The following PATJ variants were observed in gnomAD, a reference collection of about 807,000 sequenced individuals.
PATJ encodes the protein inaD-like protein.
Under a neutral mutation model 224.9 loss-of-function variants are expected in PATJ, and 190 were observed. The observed-to-expected ratio is 0.84, with a 90% confidence interval of 0.75 to 0.95. PATJ has a LOEUF of 0.95. Among genes scored for constraint, PATJ ranks in the 40% least tolerant of loss-of-function variants. PATJ has a pLI of 0.00. For missense variants in PATJ, 2,121 were observed against 2,270.3 expected, an observed-to-expected ratio of 0.93 and a Z score of 1.34; for synonymous variants, 769 against 820.3, an observed-to-expected ratio of 0.94 and a Z score of 1.07.
At chr1:62,075,369 A>G (rs979450180) in intron 31 of PATJ, among the ~76,000 whole-genome samples, 1 of 152,242 alleles carries the variant, frequency 6.6e-6, no homozygotes, top group Admixed American at 6.5e-5. Flanking sequence ...ACATAAAAGC[A>G]TTAATAGCTG....
At position 62,017,869 on chromosome 1, in the gene PATJ, T is replaced by C; in HGVS notation, c.3881T>C (p.Ile1294Thr). Reference sequence around the variant, plus strand: ...TTTCCCAAACAGATAAACAATCAGATTCTGTATGGAAGAAGTCACCAAAAT... The same window carrying C: ...TTTCCCAAACAGATAAACAATCAGACTCTGTATGGAAGAAGTCACCAAAAT... Reference protein sequence around the residue: ...GDELLEINNQILYGRSHQNAS... With the variant: ...GDELLEINNQTLYGRSHQNAS... Residue 1294 changes from isoleucine to threonine, a missense_variant, in exon 29 of 44, where the codon ATT (isoleucine) becomes ACT (threonine). Coordinates refer to ENST00000642238, the MANE Select transcript of PATJ (RefSeq NM_001350145.3). 1 of 1,603,374 alleles carries C rather than the reference T, an allele frequency of 6.2e-7. No individual in the cohort carries two copies. The highest frequency in any genetic ancestry group is 1.3e-5 in the African/African-American group (1 of 74,818).
chr1:61,821,433 G>A (rs567792048), intron 14 of PATJ, among the ~76,000 whole-genome samples: 92 of 152,326 alleles, frequency 6.0e-4, no homozygotes, highest in African/African-American at 2.1e-3. Flanking sequence ...GTGGTCAGGA[G>A]CACTTAATTT....
chr1:61,902,550 T>C (rs1671327310), intron 24 of PATJ, among the ~76,000 whole-genome samples: 1 of 152,154 alleles, frequency 6.6e-6, no homozygotes, highest in Non-Finnish European at 1.5e-5. Flanking sequence ...ATAGCATTAT[T>C]GTGAGGATTA....
chr1:61,765,066 ATTTTTTTTTTTTTTTTTTTTT>A (rs71582647), intron 3 of PATJ, among the ~76,000 whole-genome samples: 9 of 24,022 alleles, frequency 3.7e-4, no homozygotes, highest in Non-Finnish European at 5.2e-4. Flanking sequence ...ATTGACATTC[ATTTTTTTTTTTTTTTTTTTTT>A]TTTTTTTTTT....
At chr1:62,073,322 T>C (rs1379515524) in intron 31 of PATJ, 1 of 985,146 alleles carries the variant, frequency 1.0e-6, no homozygotes, top group Non-Finnish European at 1.2e-6. Flanking sequence ...CCTAAACAGA[T>C]GCTTAAAAGG....
intron 35 of PATJ, among the ~76,000 whole-genome samples, chr1:62,115,298 G>A (rs780474800): frequency 3.3e-5 from 5 of 151,842 alleles, no homozygotes; most frequent in African/African-American, 1.2e-4. Flanking sequence ...CAACAAGAGC[G>A]AAACTCCATC....
intron 1 of PATJ, among the ~76,000 whole-genome samples, chr1:61,757,396 G>T (rs1026190459): frequency 6.6e-6 from 1 of 151,676 alleles, no homozygotes; most frequent in Non-Finnish European, 1.5e-5. Context: ...TTTTATTTTT[G>T]TTTTTTGAGA....
At chr1:62,079,959 C>A (rs1238182514) in intron 32 of PATJ, among the ~76,000 whole-genome samples, 1 of 150,360 alleles carries the variant, frequency 6.7e-6, no homozygotes, top group Non-Finnish European at 1.5e-5. Context: ...ACCCAGGAGG[C>A]AGAAGTTGCA....
At chr1:62,078,293 A>G (rs1190296166) in intron 31 of PATJ, among the ~76,000 whole-genome samples, 5 of 152,112 alleles carry the variant, frequency 3.3e-5, no homozygotes, top group African/African-American at 9.7e-5. Context: ...GTATGTATTT[A>G]TTTTTGGAGA....
chr1:61,871,936 C>A lies in PATJ; in HGVS notation c.2836-3307C>A, dbSNP rs550719313. ...GGTCAGGCTGGTCTTGAACTCCTGA[C>A]CTCAAGTGGTCCACCCACCTCGGCC... is the stretch of plus-strand genomic sequence containing the variant. On this transcript the variant is annotated intron_variant, in intron 20 of 43. Transcript: ENST00000642238. 2.7e-5 allele frequency among the ~76,000 whole-genome samples: 4 copies of A among 150,384 alleles called. No homozygotes were observed. The South Asian group carries it at 8.4e-4, about 32-fold the overall frequency.
intron 1 of PATJ, among the ~76,000 whole-genome samples, chr1:61,760,307 TG>T (rs1169995770): frequency 3.9e-5 from 6 of 152,316 alleles, no homozygotes; most frequent in South Asian, 2.1e-4. Flanking sequence ...GTTTTCAATA[TG>T]TTTTTTTGCT....
chr1:61,895,448 C>A (rs1670223873), intron 22 of PATJ, among the ~76,000 whole-genome samples: 1 of 152,218 alleles, frequency 6.6e-6, no homozygotes, highest in Non-Finnish European at 1.5e-5. Flanking sequence ...GGACTTTGTA[C>A]CCTGCATTCC....
At chr1:62,111,909 C>G (rs141903551) in intron 34 of PATJ, among the ~76,000 whole-genome samples, 2,630 of 151,988 alleles carry the variant, frequency 0.017, 85 homozygotes, top group African/African-American at 0.06. Context: ...ATCTGCCTGC[C>G]TCGGCCTCCC....
chr1:61,854,853 T>C (rs1557761052), intron 17 of PATJ, among the ~76,000 whole-genome samples: 2 of 152,194 alleles, frequency 1.3e-5, no homozygotes, highest in Admixed American at 6.5e-5. Flanking sequence ...AATGTCAATG[T>C]TGTCCTCGGT....
chr1:62,090,652 C>G (rs913001574), intron 33 of PATJ, among the ~76,000 whole-genome samples: 1 of 152,118 alleles, frequency 6.6e-6, no homozygotes, highest in Non-Finnish European at 1.5e-5. Flanking sequence ...TTCCTTCTAT[C>G]CATCAGTCCA....
chr1:62,026,476 G>GTT (rs1380080743), intron 29 of PATJ, among the ~76,000 whole-genome samples: 1 of 102,016 alleles, frequency 9.8e-6, no homozygotes, highest in Non-Finnish European at 1.8e-5. Context: ...GTGTGTGTGT[G>GTT]TGTGTGTGTG....
At chr1:61,867,225 T>C (rs1401783007) in intron 20 of PATJ, among the ~76,000 whole-genome samples, 4 of 152,196 alleles carry the variant, frequency 2.6e-5, no homozygotes, top group African/African-American at 9.7e-5. Flanking sequence ...TTCCAGCACC[T>C]CTGACATAAC....
intron 35 of PATJ, among the ~76,000 whole-genome samples, chr1:62,115,340 T>C (rs537177538): frequency 1.3e-4 from 19 of 151,928 alleles, no homozygotes; most frequent in South Asian, 6.3e-4. Context: ...AAAAGAGGTA[T>C]ATGTTGCCTA....
At chr1:61,834,209 A>G (rs1475995703) in intron 17 of PATJ, among the ~76,000 whole-genome samples, 3 of 152,128 alleles carry the variant, frequency 2.0e-5, no homozygotes, top group African/African-American at 7.2e-5. Flanking sequence ...ACACCCAAAA[A>G]AGAAATCCCA....
Sources: allele counts gnomAD v4.1 joint callset (sites outside exome capture counted in the v4.1 genomes callset), GRCh38; gene constraint gnomAD v4.1.1; transcripts MANE v1.5; gene names NCBI Gene and HGNC (gene_info 2026-07-23, HGNC 2026-07-21).